The following PLEKHM3 variants were observed in gnomAD, a reference collection of about 807,000 sequenced individuals.
PLEKHM3 encodes pleckstrin homology domain containing M3.
Under a neutral mutation model 81.8 loss-of-function variants are expected in PLEKHM3, and 45 were observed. The ratio of observed to expected loss-of-function variants is 0.55; its 90% CI spans 0.43 to 0.71. The LOEUF is 0.71. Among genes scored for constraint, PLEKHM3 ranks in the 30% least tolerant of loss-of-function variants. The pLI is 0.00. For missense variants in PLEKHM3, 788 were observed against 924.3 expected (o/e 0.85, Z 1.91); for synonymous variants, 352 against 356.4 (o/e 0.99, Z 0.14).
At position 208,001,084 on chromosome 2, in the gene PLEKHM3, G is replaced by A; in HGVS notation, c.556C>T (p.Pro186Ser). 6.4e-7 allele frequency: 1 copy of A among 1,571,220 alleles called. No individual in the cohort carries two copies. Among genetic ancestry groups the A allele is most frequent in the Non-Finnish European group, 8.6e-7 (1 of 1,157,924 alleles). ...TTTGGTGAGGGCAACAGAAAAGATG[G>A]CCTGGTGACATGCGGGCCTTGAAGC... ...PLLQGPHVTR[P>S]SFLLPSPNKI... Residue 186 changes from proline to serine, a missense_variant, in exon 2 of 8, where the codon CCA (proline) becomes TCA (serine). Physicochemically the swap from Pro to Ser is moderately conservative, Grantham distance 74. Transcript: ENST00000427836.
Position 207,977,329 on chromosome 2 carries a change from C to T in PLEKHM3, c.868G>A (p.Ala290Thr). ...TCCAAAGCCTCCCATGGTGACTCTG[C>T]CTTTAGCTGTAGCTGAGTGTTGTCA... Reference protein sequence around the residue: ...LYDNTQLQLKAESPWEALDWG... With the variant: ...LYDNTQLQLKTESPWEALDWG... Residue 290 changes from alanine (A) to threonine (T), a missense_variant, in exon 3 of 8, where the codon GCA (alanine) becomes ACA (threonine). Transcript: ENST00000427836. 1.9e-6 allele frequency: 3 copies of T among 1,614,152 alleles called. No homozygotes were observed. Among genetic ancestry groups the T allele is most frequent in the East Asian group, 2.2e-5 (1 of 44,886 alleles).
At chr2:207,950,983 T>C (rs2105977631) in intron 3 of PLEKHM3, among the ~76,000 whole-genome samples, 1 of 152,330 alleles carries the variant, frequency 6.6e-6, no homozygotes, top group South Asian at 2.1e-4. Context: ...AGAGGCTAGT[T>C]AGTGGCCTGA....
At chr2:207,916,859 TA>T (rs1689008886) in intron 5 of PLEKHM3, among the ~76,000 whole-genome samples, 2 of 152,216 alleles carry the variant, frequency 1.3e-5, no homozygotes, top group South Asian at 4.1e-4. Context: ...AATAAAGAGC[TA>T]TGTATGTATG....
At chr2:207,999,086 G>A (rs1034173107) in intron 2 of PLEKHM3, among the ~76,000 whole-genome samples, 4 of 151,776 alleles carry the variant, frequency 2.6e-5, no homozygotes, top group African/African-American at 9.7e-5. Context: ...AGGTTCAATC[G>A]ATTTTCATGC....
intron 1 of PLEKHM3, among the ~76,000 whole-genome samples, chr2:208,017,955 C>T (rs1433758249): frequency 6.6e-6 from 1 of 152,130 alleles, no homozygotes; most frequent in Middle Eastern, 3.2e-3. Context: ...CTTCCTATGC[C>T]CATATCGTAA....
chr2:207,861,312 T>A (rs2092465805), intron 6 of PLEKHM3, 50 bp from the exon 7 acceptor site: 1 of 1,555,538 alleles, frequency 6.4e-7, no homozygotes, highest in East Asian at 2.3e-5. Flanking sequence ...AGAACAGAAG[T>A]CTTGTACACA....
At chr2:207,853,712 C>A (rs1032272821) in intron 7 of PLEKHM3, among the ~76,000 whole-genome samples, 1 of 151,996 alleles carries the variant, frequency 6.6e-6, no homozygotes, top group African/African-American at 2.4e-5. Flanking sequence ...CCAGCCTTGG[C>A]GACCTAGCAA....
At chr2:207,982,628 A>C (rs1458798211) in intron 2 of PLEKHM3, among the ~76,000 whole-genome samples, 1 of 147,382 alleles carries the variant, frequency 6.8e-6, no homozygotes, top group Non-Finnish European at 1.5e-5. Context: ...CCACAGGCTG[A>C]AGTGTAATGG....
chr2:207,877,062 C>T (rs772981584), intron 6 of PLEKHM3, among the ~76,000 whole-genome samples: 64 of 152,146 alleles, frequency 4.2e-4, no homozygotes, highest in Non-Finnish European at 8.7e-4. Flanking sequence ...AGTCAATGTA[C>T]TGACCGACCT....
intron 3 of PLEKHM3, among the ~76,000 whole-genome samples, chr2:207,951,480 T>C (rs751042455): frequency 6.6e-6 from 1 of 152,182 alleles, no homozygotes; most frequent in African/African-American, 2.4e-5. Flanking sequence ...TCAGAGTGTA[T>C]TCAATTCATA....
chr2:207,870,036 AC>A, intron 6 of PLEKHM3: 1 of 152,310 alleles, frequency 6.6e-6, no homozygotes, highest in East Asian at 1.9e-4. Context: ...CCTTCCCCAA[AC>A]CACAGTTTCA....
At chr2:207,867,790 T>A (rs1444656185) in intron 6 of PLEKHM3, among the ~76,000 whole-genome samples, 1 of 152,010 alleles carries the variant, frequency 6.6e-6, no homozygotes, top group Non-Finnish European at 1.5e-5. Context: ...CCTCCCACCA[T>A]CCCAAGAGCC....
chr2:207,844,283 C>T (rs2092370398), intron 7 of PLEKHM3, among the ~76,000 whole-genome samples: 1 of 150,692 alleles, frequency 6.6e-6, no homozygotes. Context: ...TATAAAATAA[C>T]AATTCATACA....
rs75145077 is a variant in PLEKHM3 at position 208,001,625 on chromosome 2, T to C, written c.15A>G (p.Glu5=). The C allele has an allele frequency of 0.023, 37,310 of 1,613,306 alleles. 523 individuals carry two copies. The highest frequency in any genetic ancestry group is 0.027 in the Non-Finnish European group (31,739 of 1,179,590). ...CTAAGGCTGGGCTGATATCATCCAC[T>C]TCCAAAGCTTCCATGTCACAGGCTC... MEAL[E]VDDISPALEV... The change falls in exon 2 of 8, where the codon GAA becomes GAG. Residue 5 remains glutamate (E), a synonymous_variant. Transcript: ENST00000427836.
At chr2:207,837,438 T>C (rs899382229) in intron 7 of PLEKHM3, among the ~76,000 whole-genome samples, 1 of 151,858 alleles carries the variant, frequency 6.6e-6, no homozygotes, top group Non-Finnish European at 1.5e-5. Context: ...CCGTGTCTAC[T>C]AAAAATACAA....
At chr2:207,831,758 A>C (rs1441474158) in intron 7 of PLEKHM3, among the ~76,000 whole-genome samples, 2 of 152,134 alleles carry the variant, frequency 1.3e-5, no homozygotes, top group Non-Finnish European at 2.9e-5. Context: ...AGTGAGGATA[A>C]AGGTCAGACC....
intron 6 of PLEKHM3, among the ~76,000 whole-genome samples, chr2:207,864,621 T>C (rs1000006933): frequency 6.6e-6 from 1 of 152,242 alleles, no homozygotes; most frequent in Non-Finnish European, 1.5e-5. Context: ...AGTTATTATC[T>C]AGGCTCTAAA....
chr2:207,919,953 G>GAC (rs112862427), intron 5 of PLEKHM3, among the ~76,000 whole-genome samples: 10,161 of 151,642 alleles, frequency 0.067, 668 homozygotes, highest in African/African-American at 0.18. Flanking sequence ...TGTCAGGACA[G>GAC]ACACACACAC....
At chr2:207,857,556 A>G (rs941607549) in intron 7 of PLEKHM3, among the ~76,000 whole-genome samples, 1 of 152,058 alleles carries the variant, frequency 6.6e-6, no homozygotes, top group Non-Finnish European at 1.5e-5. Flanking sequence ...TTTTAGGTCT[A>G]TTCATATTTC....
Sources: allele counts gnomAD v4.1 joint callset (sites outside exome capture counted in the v4.1 genomes callset), GRCh38; gene constraint gnomAD v4.1.1; transcripts MANE v1.5; gene names NCBI Gene and HGNC (gene_info 2026-07-23, HGNC 2026-07-21).